Variants in ZNF699 observed in about 807,000 individuals in gnomAD.
The protein encoded by ZNF699 is hangover homolog.
ZNF699 carries 18 observed loss-of-function variants against 22.5 expected under a neutral mutation model. The ratio of observed to expected loss-of-function variants is 0.80; its 90% CI spans 0.55 to 1.19. ZNF699 has a LOEUF of 1.19. Ranked by LOEUF, ZNF699 falls within the 50% of genes most tolerant of loss-of-function variation. The pLI, the probability that ZNF699 is intolerant of heterozygous loss-of-function variation, is 0.00. For synonymous variants in ZNF699, 241 were observed against 262.3 expected (o/e 0.92, Z 0.78); for missense variants, 670 against 763.4 (o/e 0.88, Z 1.44).
At chr19:9,303,189 A>C (rs1267975963) in intron 2 of ZNF699, among the ~76,000 whole-genome samples, 1 of 152,158 alleles carries the variant, frequency 6.6e-6, no homozygotes, top group African/African-American at 2.4e-5. Flanking sequence ...GCAATTCCCC[A>C]GTGGACACCA....
In ZNF699 at chr19:9,297,867, C is replaced by T. The variant is rs150656702; in HGVS notation, c.286+13G>A. On this transcript the variant is annotated intron_variant, in intron 4 of 5. Coordinates refer to ENST00000591998, the MANE Select transcript of ZNF699 (RefSeq NM_198535.3). This position sits in a 1 kb window ranked among gnomAD's most constrained non-coding sequence, Gnocchi z 4.3. ...TTCCCCCAACCAAAACAGTTTCTCCCAAGGGTTCTTGCCTTCCCGGTGCTC... is the reference window on the plus strand; with the variant it reads ...TTCCCCCAACCAAAACAGTTTCTCCTAAGGGTTCTTGCCTTCCCGGTGCTC... 5.1e-4 allele frequency: 817 copies of T among 1,598,736 alleles called. 12 individuals are homozygous for T. In the East Asian group the frequency reaches 0.013, roughly 25 times the overall value.
chr19:9,300,946 G>A (rs1321587758), intron 3 of ZNF699, among the ~76,000 whole-genome samples: 2 of 152,122 alleles, frequency 1.3e-5, no homozygotes, highest in Non-Finnish European at 2.9e-5. Flanking sequence ...GATGGACTCT[G>A]GGCAATGATG....
rs199621237 is a variant in ZNF699 at position 9,298,015 on chromosome 19, C to T, written c.176-25G>A. The T allele has an allele frequency of 1.2e-4, 173 of 1,457,668 alleles. 1 individual carries two copies. The Admixed American group carries it at 2.0e-3, about 17-fold the overall frequency. 90.3% of individuals were successfully genotyped at this position (1,457,668 alleles called of 1,614,324 possible). On this transcript the variant is annotated intron_variant, in intron 3 of 5. Transcript: ENST00000591998. ...CCTGCACAAGCAGAAAGGCATATCA[C>T]GAGGGAAAATAATGAAGAATCACTA...
Position 9,302,872 on chromosome 19 carries a change from A to T in ZNF699, c.49-368T>A, listed in dbSNP as rs190840304. Among the ~76,000 whole-genome samples, 463 of 152,194 alleles carry T rather than the reference A, an allele frequency of 3.0e-3. 1 individual carries two copies. Among genetic ancestry groups the T allele is most frequent in the African/African-American group, 0.01 (426 of 41,514 alleles). The stretch of plus-strand genomic sequence containing the variant: ...AATCAGTCTCTACTAAAATTTTTTT[A>T]AAAAATAGCTGGGCGTGGTGGCATG... On this transcript the variant is annotated intron_variant, in intron 2 of 5. Transcript: ENST00000591998.
rs1311397360 is a variant in ZNF699, at chr19:9,295,075, A to G, written c.*400T>C. 5.7e-6 allele frequency: 1 copy of G among 174,912 alleles called. No homozygotes were observed. The highest frequency in any genetic ancestry group is 1.7e-4 in the South Asian group (1 of 5,812). The allele number at this position is 174,912 out of a possible 1,614,324, so 10.8% of individuals were successfully genotyped here. ...ACAGAAAAAATATTTCGTGTCCTCC[A>G]TGATCCAAAAGATTTTGTAATGGAA... is the stretch of plus-strand genomic sequence containing the variant. On this transcript the variant is annotated 3_prime_UTR_variant, in exon 6 of 6. Transcript: ENST00000591998.
chr19:9,301,156 A>G (rs1373190388), intron 3 of ZNF699, among the ~76,000 whole-genome samples: 2 of 151,998 alleles, frequency 1.3e-5, no homozygotes, highest in Non-Finnish European at 2.9e-5. Context: ...AGAGAGAGAG[A>G]GAGAGAAGTC....
rs886650985 is a variant in ZNF699 at position 9,294,542 on chromosome 19, A to G, written c.*933T>C. On this transcript the variant is annotated 3_prime_UTR_variant, in exon 6 of 6. Transcript: ENST00000591998. ...CTTTATACATCTGTCTCTCTGTCTG[A>G]TGGCCCCACTAAACATAGCATAACA... is the stretch of plus-strand genomic sequence containing the variant. 6.6e-6 allele frequency: 1 copy of G among 152,220 alleles called. No individual in the cohort carries two copies. Among genetic ancestry groups the G allele is most frequent in the Non-Finnish European group, 1.5e-5 (1 of 68,036 alleles). 9.4% of individuals were successfully genotyped at this position (152,220 alleles called of 1,614,324 possible).
Position 9,297,139 on chromosome 19 carries a change from G to A in ZNF699, c.470+157C>T, listed in dbSNP as rs992753815. Among the ~76,000 whole-genome samples, 12 of 151,984 alleles carry A rather than the reference G, an allele frequency of 7.9e-5. No homozygotes were observed. The highest frequency in any genetic ancestry group is 2.0e-4 in the Admixed American group (3 of 15,266). ...GTATGTGTCAAACATTCAAAATCCC[G>A]GTCTCATTTGTGGAAAAAATTAACT... On this transcript the variant is annotated intron_variant, in intron 5 of 5. Transcript: ENST00000591998. This position sits in a 1 kb window ranked among gnomAD's most constrained non-coding sequence, Gnocchi z 4.3.
In ZNF699 at chr19:9,295,697, A is replaced by G. The variant is rs375823418; in HGVS notation, c.1707T>C (p.Arg569=). ...CATGTACAGTAAGGTATGAAGAATG[A>G]CGAAATGCTTTCCCACATTCCTTAC... ...YECKECGKAF[R]HSSYLTVHAR... Residue 569 remains arginine, a synonymous_variant, in exon 6 of 6, where the codon CGT becomes CGC. Coordinates refer to ENST00000591998, the MANE Select transcript of ZNF699 (RefSeq NM_198535.3). The G allele has an allele frequency of 1.2e-6, 2 of 1,614,112 alleles. No individual in the cohort carries two copies. The highest frequency in any genetic ancestry group is 1.7e-6 in the Non-Finnish European group (2 of 1,180,006).
chr19:9,307,860 T>C (rs1316567881), intron 1 of ZNF699, among the ~76,000 whole-genome samples: 1 of 151,766 alleles, frequency 6.6e-6, no homozygotes, highest in Non-Finnish European at 1.5e-5. Context: ...AGGCAGAGAA[T>C]TGTTTGAACC....
intron 2 of ZNF699, among the ~76,000 whole-genome samples, chr19:9,303,820 TC>T (rs370174753): frequency 0.025 from 3,765 of 150,890 alleles, 106 homozygotes; most frequent in African/African-American, 0.076. Context: ...CAAATTGTTT[TC>T]TTTTTTTTTT....
rs965513181 is a variant in ZNF699, at chr19:9,294,273, C to CGTTTT, written c.*1197_*1201dup. The CGTTTT allele has an allele frequency of 6.6e-6, 1 of 152,200 alleles. No homozygotes were observed. Among genetic ancestry groups the CGTTTT allele is most frequent in the African/African-American group, 2.4e-5 (1 of 41,402 alleles). 9.4% of individuals were successfully genotyped at this position (152,200 alleles called of 1,614,324 possible). ...GCATTTAATGTTTGGTTTTTTATTT[C>CGTTTT]GTTTTGTTTTGTTTTTGAGAAAGGG... is the stretch of plus-strand genomic sequence containing the variant. On this transcript the variant is annotated 3_prime_UTR_variant, in exon 6 of 6. Transcript: ENST00000591998.
chr19:9,304,215 T>C (rs2066318651), intron 2 of ZNF699, among the ~76,000 whole-genome samples: 1 of 152,046 alleles, frequency 6.6e-6, no homozygotes, highest in African/African-American at 2.4e-5. Flanking sequence ...ATGAGAAAAA[T>C]GCTCTGGAAA....
intron 3 of ZNF699, among the ~76,000 whole-genome samples, chr19:9,301,363 T>C (rs1194638385): frequency 6.6e-6 from 1 of 152,214 alleles, no homozygotes; most frequent in East Asian, 1.9e-4. Context: ...GGAATGCCAA[T>C]GATTGCCAGC....
At chr19:9,299,256 T>C (rs2066298263) in intron 3 of ZNF699, among the ~76,000 whole-genome samples, 1 of 152,204 alleles carries the variant, frequency 6.6e-6, no homozygotes, top group Non-Finnish European at 1.5e-5. Context: ...TGCCTCAGCC[T>C]CCTGAGTAGC....
chr19:9,299,144 CTTTTTTTT>C (rs1568345680), intron 3 of ZNF699, among the ~76,000 whole-genome samples: 3 of 151,822 alleles, frequency 2.0e-5, no homozygotes. Context: ...AATTTTTTTT[CTTTTTTTT>C]GAGACGGAGT....
In ZNF699 at chr19:9,297,486, C is replaced by CA; in HGVS notation, c.287-8_287-7insT. On this transcript the variant is annotated splice_region_variant and splice_polypyrimidine_tract_variant and intron_variant, in intron 4 of 5. Coordinates refer to ENST00000591998, the MANE Select transcript of ZNF699 (RefSeq NM_198535.3). The surrounding 1 kb of genome is among the most constrained non-coding windows in gnomAD (Gnocchi z 4.3). ...TTAAGTTGAGTCTCAAAACCTGAAACGAAAAAAAGTGAAAGCTTCCATGAG... is the reference window on the plus strand; with the variant it reads ...TTAAGTTGAGTCTCAAAACCTGAAACAGAAAAAAAGTGAAAGCTTCCATGAG... 6.5e-7 allele frequency: 1 copy of CA among 1,544,382 alleles called. No individual in the cohort carries two copies. Among genetic ancestry groups the CA allele is most frequent in the Non-Finnish European group, 8.7e-7 (1 of 1,155,752 alleles).
rs775571249 is a variant in ZNF699, at chr19:9,295,669, T to C, written c.1735A>G (p.Arg579Gly). 4 of 1,614,204 alleles carry C rather than the reference T, an allele frequency of 2.5e-6. No individual in the cohort carries two copies. In the South Asian group the frequency reaches 4.4e-5, roughly 18 times the overall value. Residue 579 changes from arginine (R) to glycine (G), a missense_variant, in exon 6 of 6, where the codon AGA becomes GGA. Arg to Gly is a moderately radical substitution (Grantham distance 125, BLOSUM62 -2). Transcript: ENST00000591998. ...AAGGGTTTCTCTCCAGTGTGCATTC[T>C]TGCATGTACAGTAAGGTATGAAGAA... ...RHSSYLTVHA[R>G]MHTGEKPFEC...
chr19:9,298,752 T>C (rs116533545), intron 3 of ZNF699, among the ~76,000 whole-genome samples: 187 of 152,294 alleles, frequency 1.2e-3, no homozygotes, highest in African/African-American at 4.1e-3. Context: ...CCAGCAATAC[T>C]ATCCACTTTC....
Sources: allele counts gnomAD v4.1 joint callset (sites outside exome capture counted in the v4.1 genomes callset), GRCh38; gene constraint gnomAD v4.1.1; non-coding constraint Gnocchi (gnomAD v3.1); transcripts MANE v1.5; gene names NCBI Gene and HGNC (gene_info 2026-07-23, HGNC 2026-07-21).